The following RAB1B variants were observed in gnomAD, a reference collection of about 807,000 sequenced individuals.
RAB1B encodes ras-related protein Rab-1B.
Under a neutral mutation model 24.8 loss-of-function variants are expected in RAB1B, and 10 were observed. That is an observed-to-expected ratio of 0.40 (90% CI 0.25 to 0.68). The LOEUF (loss-of-function observed/expected upper bound fraction) is 0.68, where lower values mean the gene tolerates loss of function less well. Ranked by LOEUF, RAB1B falls within the 30% of genes least tolerant of loss-of-function variation. The pLI is 0.37. For synonymous variants in RAB1B, 99 were observed against 111.7 expected (o/e 0.89, Z 0.72); for missense variants, 154 against 271.2 (o/e 0.57, Z 3.04).
In RAB1B at chr11:66,276,418, G is replaced by C. The variant is rs185769648; in HGVS notation, c.*180G>C. ...CTGCCCTGAGCCCCGGTTCTGTCAGGGTCCCTAAGGGAGGACACTCAGGGC... is the reference window on the plus strand; with the variant it reads ...CTGCCCTGAGCCCCGGTTCTGTCAGCGTCCCTAAGGGAGGACACTCAGGGC... On this transcript the variant is annotated 3_prime_UTR_variant, in exon 6 of 6. Coordinates refer to ENST00000311481, the MANE Select transcript of RAB1B (RefSeq NM_030981.3). 1.6e-6 allele frequency: 1 copy of C among 633,560 alleles called. No individual in the cohort carries two copies. The highest frequency in any genetic ancestry group is 2.4e-5 in the South Asian group (1 of 42,238). 39.2% of individuals were successfully genotyped at this position (633,560 alleles called of 1,614,324 possible).
intron 4 of RAB1B, among the ~76,000 whole-genome samples, chr11:66,274,687 C>G (rs1360466740): frequency 6.6e-6 from 1 of 151,922 alleles, no homozygotes; most frequent in Non-Finnish European, 1.5e-5. Context: ...AGTCTGTGCT[C>G]TGGCCTCTCC....
chr11:66,276,023 T>G, intron 5 of RAB1B, 21 bp from the exon 6 acceptor site: 1 of 1,609,918 alleles, frequency 6.2e-7, no homozygotes, highest in Non-Finnish European at 8.5e-7. Flanking sequence ...TCCCCTCCTC[T>G]TCTCTCCTCT....
intron 1 of RAB1B, among the ~76,000 whole-genome samples, chr11:66,268,901 G>C (rs540484978): frequency 2.8e-5 from 3 of 106,844 alleles, no homozygotes; most frequent in East Asian, 5.8e-4. Flanking sequence ...CCTCGCACCC[G>C]GGGCCCAGAC....
intron 4 of RAB1B, among the ~76,000 whole-genome samples, chr11:66,273,469 C>T (rs72936699): frequency 0.23 from 34,962 of 152,206 alleles, 4,743 homozygotes; most frequent in South Asian, 0.47. Flanking sequence ...AGTGGACCAT[C>T]CCCCGCTCCT....
chr11:66,274,177 G>A (rs1173048944), intron 4 of RAB1B, among the ~76,000 whole-genome samples: 2 of 152,026 alleles, frequency 1.3e-5, no homozygotes, highest in African/African-American at 4.8e-5. Flanking sequence ...TTGTCAGCCT[G>A]ACCAGAAAAC....
At chr11:66,275,442 G>A (rs1384187745) in intron 4 of RAB1B, among the ~76,000 whole-genome samples, 3 of 152,146 alleles carry the variant, frequency 2.0e-5, no homozygotes, top group Non-Finnish European at 2.9e-5. Flanking sequence ...TTGCGGACCC[G>A]TTACTCTCTG....
intron 4 of RAB1B, among the ~76,000 whole-genome samples, chr11:66,274,555 T>G (rs1344016272): frequency 2.0e-5 from 3 of 152,170 alleles, no homozygotes; most frequent in Non-Finnish European, 4.4e-5. Context: ...GGTCTCTATC[T>G]TGCTATTCTG....
chr11:66,269,378 T>G (rs1057282431), intron 1 of RAB1B, among the ~76,000 whole-genome samples: 2 of 152,192 alleles, frequency 1.3e-5, no homozygotes, highest in Non-Finnish European at 2.9e-5. Context: ...CTGTGAAGTT[T>G]AGATGAATAT....
intron 1 of RAB1B, 147 bp downstream of exon 1, chr11:66,268,840 G>A: frequency 1.2e-6 from 1 of 802,538 alleles, no homozygotes; most frequent in Non-Finnish European, 1.6e-6. Context: ...CCACATCCGG[G>A]TTCTGCCCCT....
At chr11:66,275,072 A>AT (rs1857120301) in intron 4 of RAB1B, among the ~76,000 whole-genome samples, 2 of 151,966 alleles carry the variant, frequency 1.3e-5, no homozygotes, top group African/African-American at 4.8e-5. Context: ...CCCAAGTATG[A>AT]TTTCCCCCTT....
rs760802454 is a variant in RAB1B, at chr11:66,272,416, C to CG, written c.241dup (p.Ala81GlyfsTer9). 3 of 1,606,198 alleles carry CG rather than the reference C, an allele frequency of 1.9e-6. No homozygotes were observed. Among genetic ancestry groups the CG allele is most frequent in the East Asian group, 2.2e-5 (1 of 44,754 alleles). ...CCGGACCATCACTTCCAGCTACTAC[C>CG]GGGGGGCTCATGGCATCATCGTGGT... On this transcript the variant is annotated frameshift_variant, in exon 4 of 6. Coordinates refer to ENST00000311481, the MANE Select transcript of RAB1B (RefSeq NM_030981.3). LOFTEE classifies it high-confidence loss of function.
intron 1 of RAB1B, among the ~76,000 whole-genome samples, chr11:66,269,269 C>T (rs1346260200): frequency 6.6e-6 from 1 of 152,156 alleles, no homozygotes; most frequent in Non-Finnish European, 1.5e-5. Flanking sequence ...GTCGCGCTGT[C>T]CTGTCGCTCC....
chr11:66,271,903 G>T (rs1345931305), intron 2 of RAB1B, 34 bp downstream of exon 2: 12 of 1,544,536 alleles, frequency 7.8e-6, no homozygotes, highest in Non-Finnish European at 1.1e-5. Context: ...ATCCACCTGG[G>T]GTCCTGACTG....
chr11:66,270,838 C>A (rs2078069), intron 1 of RAB1B: 35,793 of 152,256 alleles, frequency 0.24, 4,736 homozygotes, highest in South Asian at 0.47. Flanking sequence ...CCCTAAATAG[C>A]TCCTACTGGA....
intron 5 of RAB1B, 42 bp from the exon 6 acceptor site, chr11:66,276,002 C>G: frequency 6.3e-7 from 1 of 1,588,834 alleles, no homozygotes; most frequent in Non-Finnish European, 8.6e-7. Context: ...CTGCTCTCCC[C>G]TCCTCTTCTC....
At chr11:66,269,206 T>C (rs1216733104) in intron 1 of RAB1B, among the ~76,000 whole-genome samples, 2 of 151,870 alleles carry the variant, frequency 1.3e-5, no homozygotes, top group African/African-American at 4.8e-5. Context: ...GCCGCTTGGG[T>C]CGCGTCTCCC....
At position 66,276,112 on chromosome 11, in the gene RAB1B, G is replaced by A. The variant is rs1264108896; in HGVS notation, c.480G>A (p.Gln160=). The change falls in exon 6 of 6, where the codon CAG becomes CAA. Residue 160 remains glutamine (Q), a synonymous_variant. Coordinates refer to ENST00000311481, the MANE Select transcript of RAB1B (RefSeq NM_030981.3). ...CCAAGAATGCCACCAATGTCGAGCA[G>A]GCGTTCATGACCATGGCTGCTGAAA... ...TSAKNATNVE[Q]AFMTMAAEIK... 1 of 1,613,994 alleles carries A rather than the reference G, an allele frequency of 6.2e-7. No individual in the cohort carries two copies.
At position 66,276,238 on chromosome 11, in the gene RAB1B, G is replaced by A; in HGVS notation, c.606G>A (p.Ter202=). The A allele has an allele frequency of 6.3e-7, 1 of 1,586,080 alleles. No individual in the cohort carries two copies. Among genetic ancestry groups the A allele is most frequent in the South Asian group, 1.2e-5 (1 of 86,924 alleles). ...PVKPAGGGCC[*] is the part of the protein sequence containing the mutation. ...AGCCGGCTGGCGGTGGCTGTTGCTA[G>A]GAGGGGCACATGGAGTGGGACAGGA... The change falls in exon 6 of 6, where the codon TAG becomes TAA. Residue 202 remains the stop codon, a stop_retained_variant. Coordinates refer to ENST00000311481, the MANE Select transcript of RAB1B (RefSeq NM_030981.3).
chr11:66,268,835 T>G (rs1395542137), intron 1 of RAB1B, 142 bp downstream of exon 1: 4 of 550,096 alleles, frequency 7.3e-6, no homozygotes, highest in Non-Finnish European at 9.5e-6. Flanking sequence ...CCCCCCCACA[T>G]CCGGGTTCTG....
Sources: gnomAD v4.1 joint callset for allele counts (sites outside exome capture counted in the v4.1 genomes callset) on GRCh38, gnomAD v4.1.1 for gene constraint, MANE v1.5 for transcripts, NCBI Gene and HGNC (gene_info 2026-07-23, HGNC 2026-07-21) for gene names.